ERICH1: variants seen among roughly 807,000 people sequenced by gnomAD.
The protein encoded by ERICH1 is glutamate-rich protein 1.
In ERICH1, 56 loss-of-function variants were observed where a neutral mutation model predicts 39.6. The observed-to-expected ratio is 1.41, with a 90% CI of 1.14 to 1.77. ERICH1 has a LOEUF of 1.77. Ranked by LOEUF, ERICH1 falls within the 40% of genes most tolerant of loss-of-function variation. The pLI, the probability that ERICH1 is intolerant of heterozygous loss-of-function variation, is 0.00. For missense variants in ERICH1, 826 were observed against 575.4 expected (o/e 1.44, Z -4.45); for synonymous variants, 313 against 223.6 (o/e 1.40, Z -3.57).
Position 668,550 on chromosome 8 carries a change from GA to G in ERICH1, c.1258+47del, listed in dbSNP as rs747892835. On this transcript the variant is annotated intron_variant, in intron 5 of 5. Coordinates refer to ENST00000262109, the MANE Select transcript of ERICH1 (RefSeq NM_207332.3). ...TGTAAGTCTTTCAGAGGCAAACCTC[GA>G]TGAGAGTATCTTAAGCAGGACCTTG... 5 of 1,607,194 alleles carry G rather than the reference GA, an allele frequency of 3.1e-6. No homozygotes were observed. The African/African-American group carries it at 6.7e-5, about 21-fold the overall frequency.
intron 3 of ERICH1, among the ~76,000 whole-genome samples, chr8:632,442 T>C (rs1255907676): frequency 6.6e-6 from 1 of 152,196 alleles, no homozygotes. Context: ...TTAAAGCCCA[T>C]GTTTTAAAAA....
At chr8:654,349 G>A (rs1218699016) in intron 3 of ERICH1, among the ~76,000 whole-genome samples, 1 of 152,156 alleles carries the variant, frequency 6.6e-6, no homozygotes, top group African/African-American at 2.4e-5. Flanking sequence ...TGGCCAGGAA[G>A]CTCCTTCAGA....
chr8:625,109 C>T (rs1797529044), intron 3 of ERICH1, among the ~76,000 whole-genome samples: 1 of 152,208 alleles, frequency 6.6e-6, no homozygotes, highest in South Asian at 2.1e-4. Context: ...GATCCAATCA[C>T]TCCCACCAGC....
intron 3 of ERICH1, among the ~76,000 whole-genome samples, chr8:627,449 G>C (rs1015248974): frequency 1.3e-5 from 2 of 152,152 alleles, no homozygotes; most frequent in African/African-American, 2.4e-5. Context: ...AGGCATTTGC[G>C]CTATGTTATA....
At chr8:656,911 C>T (rs1482042801) in intron 3 of ERICH1, 7 of 883,170 alleles carry the variant, frequency 7.9e-6, no homozygotes. Context: ...TTAAGATAAA[C>T]AATACACTCC....
chr8:677,845 G>C (rs185673133), intron 3 of ERICH1, among the ~76,000 whole-genome samples: 1 of 152,186 alleles, frequency 6.6e-6, no homozygotes, highest in African/African-American at 2.4e-5. Flanking sequence ...CACCCAGCAA[G>C]AACACTGCGG....
chr8:721,580 A>T (rs936685557), intron 1 of ERICH1, among the ~76,000 whole-genome samples: 1 of 152,240 alleles, frequency 6.6e-6, no homozygotes. Context: ...GTTTTAGACC[A>T]AAACCACACT....
rs1215336124 is a variant in ERICH1 at position 652,782 on chromosome 8, T to C, written c.976+15816A>G. On this transcript the variant is annotated intron_variant, in intron 3 of 3. Coordinates refer to the ERICH1 transcript ENST00000522706. ...TGTGATAAACAAAACAACCCAAAAGTAGGCACGGGACCGGAATGGAAATTC... is the reference window on the plus strand; with the variant it reads ...TGTGATAAACAAAACAACCCAAAAGCAGGCACGGGACCGGAATGGAAATTC... 2.6e-5 allele frequency among the ~76,000 whole-genome samples: 4 copies of C among 152,108 alleles called. No individual in the cohort carries two copies. The East Asian group carries it at 5.8e-4, about 22-fold the overall frequency.
intron 3 of ERICH1, among the ~76,000 whole-genome samples, chr8:624,919 G>A (rs987075519): frequency 6.6e-6 from 1 of 151,898 alleles, no homozygotes; most frequent in Non-Finnish European, 1.5e-5. Context: ...GTAGAGACGG[G>A]GTTTCACCGT....
rs374695035 is a variant in ERICH1 at position 693,265 on chromosome 8, CACAT to C, written c.170-657_170-654del. Among the ~76,000 whole-genome samples, 251 of 152,212 alleles carry C rather than the reference CACAT, an allele frequency of 1.6e-3. 1 individual carries two copies. Among genetic ancestry groups the C allele is most frequent in the African/African-American group, 5.6e-3 (233 of 41,474 alleles). ...ACAAATACACAAGCACACACAGACA[CACAT>C]ACATCTTCAGGAGATCGTGTCACAT... is the stretch of plus-strand genomic sequence containing the variant. On this transcript the variant is annotated intron_variant, in intron 2 of 5. Coordinates refer to ENST00000262109, the MANE Select transcript of ERICH1 (RefSeq NM_207332.3).
chr8:697,997 C>A (rs1228223265), intron 2 of ERICH1, among the ~76,000 whole-genome samples: 1 of 152,126 alleles, frequency 6.6e-6, no homozygotes, highest in East Asian at 1.9e-4. Context: ...GGTTGGAGAG[C>A]TCACGGGGGC....
intron 4 of ERICH1, chr8:671,921 C>G (rs911260480): frequency 6.2e-6 from 1 of 161,416 alleles, no homozygotes; most frequent in African/African-American, 2.4e-5. Context: ...TCACTGGGCT[C>G]CAGGCTCTGC....
chr8:725,528 A>T (rs943040166), intron 1 of ERICH1: 1 of 152,478 alleles, frequency 6.6e-6, no homozygotes, highest in Non-Finnish European at 1.5e-5. Context: ...CACATTGGGC[A>T]TCCACCACCT....
chr8:653,362 C>T (rs185070651), intron 3 of ERICH1, among the ~76,000 whole-genome samples: 23 of 152,354 alleles, frequency 1.5e-4, no homozygotes, highest in East Asian at 1.3e-3. Flanking sequence ...GGAGTCTGCG[C>T]CTGTAATAGT....
At chr8:660,851 T>C (rs1253704353), downstream of ERICH1, among the ~76,000 whole-genome samples, 6 of 152,032 alleles carry the variant, frequency 3.9e-5, no homozygotes, top group Admixed American at 3.9e-4. Context: ...ATGAGCTATA[T>C]GGGACTGCTC....
chr8:652,018 G>A (rs1563189132), intron 3 of ERICH1, among the ~76,000 whole-genome samples: 1 of 152,196 alleles, frequency 6.6e-6, no homozygotes. Flanking sequence ...AAGGCCGTTG[G>A]CAGTTGCTGA....
chr8:674,722 G>A (rs901192616), intron 3 of ERICH1, among the ~76,000 whole-genome samples: 5 of 152,306 alleles, frequency 3.3e-5, no homozygotes, highest in Admixed American at 1.3e-4. Context: ...CCTTTCTAAA[G>A]TTACTTGTGT....
intron 2 of ERICH1, among the ~76,000 whole-genome samples, chr8:704,960 TA>T (rs1158314635): frequency 2.0e-5 from 3 of 151,962 alleles, no homozygotes; most frequent in African/African-American, 4.8e-5. Flanking sequence ...CTGACAAATT[TA>T]AAAAAAAGTT....
At chr8:712,618 A>G (rs1815008196) in intron 2 of ERICH1, among the ~76,000 whole-genome samples, 1 of 152,182 alleles carries the variant, frequency 6.6e-6, no homozygotes, top group Admixed American at 6.5e-5. Context: ...TTTAGTAGAG[A>G]CGGGGTTTCT....
Sources: allele counts gnomAD v4.1 joint callset (sites outside exome capture counted in the v4.1 genomes callset), GRCh38; gene constraint gnomAD v4.1.1; transcripts MANE v1.5; gene names NCBI Gene and HGNC (gene_info 2026-07-23, HGNC 2026-07-21).